Variants in FARP2 observed in about 807,000 individuals in gnomAD.
The protein encoded by FARP2 is FERM, ARH/RhoGEF and pleckstrin domain protein 2, also known as FERM, ARHGEF and pleckstrin domain-containing protein 2.
Under a neutral mutation model 130.5 loss-of-function variants are expected in FARP2, and 111 were observed. The ratio of observed to expected loss-of-function variants is 0.85; its 90% CI spans 0.73 to 1.00. The LOEUF is 1.00. Among genes scored for constraint, FARP2 ranks in the 50% least tolerant of loss-of-function variants. The probability of loss-of-function intolerance (pLI) is 0.00; values close to 1 mark genes in which losing one functional copy is unlikely to be tolerated. For missense variants in FARP2, 1,385 were observed against 1,346.3 expected, an observed-to-expected ratio of 1.03 and a Z score of -0.45; for synonymous variants, 504 against 516.9, an observed-to-expected ratio of 0.98 and a Z score of 0.34.
intron 19 of FARP2, among the ~76,000 whole-genome samples, chr2:241,476,801 T>C (rs1482282307): frequency 6.6e-6 from 1 of 152,234 alleles, no homozygotes; most frequent in Non-Finnish European, 1.5e-5. Context: ...CACAAGGTTA[T>C]GTAGCCATCA....
At chr2:241,467,907 G>A (rs550577205) in intron 17 of FARP2, among the ~76,000 whole-genome samples, 1 of 152,346 alleles carries the variant, frequency 6.6e-6, no homozygotes, top group Admixed American at 6.5e-5. Flanking sequence ...GGGCCGGTTA[G>A]TGGTGCATGT....
chr2:241,411,019 G>C lies in FARP2; in HGVS notation c.411-14G>C. 6.4e-7 allele frequency: 1 copy of C among 1,555,540 alleles called. No individual in the cohort carries two copies. The highest frequency in any genetic ancestry group is 8.8e-7 in the Non-Finnish European group (1 of 1,131,974). On this transcript the variant is annotated splice_polypyrimidine_tract_variant and intron_variant, in intron 5 of 26. Transcript: ENST00000264042. ...TTGGAATTGATCTCTGTCTTATTTT[G>C]AACTCTCTTCTAGATACTTGTTTGC...
chr2:241,423,466 A>G (rs2062859349), intron 8 of FARP2, among the ~76,000 whole-genome samples: 1 of 152,230 alleles, frequency 6.6e-6, no homozygotes, highest in Non-Finnish European at 1.5e-5. Flanking sequence ...AGGAAGCACT[A>G]AATACAGAAA....
intron 4 of FARP2, among the ~76,000 whole-genome samples, chr2:241,406,957 G>A (rs987237382): frequency 1.3e-5 from 2 of 151,938 alleles, no homozygotes; most frequent in African/African-American, 2.4e-5. Context: ...ACAGTCACCC[G>A]CCACCACGCC....
chr2:241,375,946 A>C (rs1324326433), intron 2 of FARP2, among the ~76,000 whole-genome samples: 2 of 152,140 alleles, frequency 1.3e-5, no homozygotes, highest in Non-Finnish European at 2.9e-5. Flanking sequence ...GGGAGAGCTA[A>C]AATTCAATAT....
intron 8 of FARP2, among the ~76,000 whole-genome samples, chr2:241,429,533 T>TTGG (rs1311021351): frequency 2.6e-5 from 4 of 152,196 alleles, no homozygotes; most frequent in African/African-American, 4.8e-5. Context: ...ATCTGTCCCA[T>TTGG]TGGTGGTGGT....
chr2:241,493,132 T>G, intron 25 of FARP2, 96 bp downstream of exon 25: 1 of 1,144,104 alleles, frequency 8.7e-7, no homozygotes, highest in South Asian at 1.3e-5. Flanking sequence ...GGTTCTGCCC[T>G]CCCATGCTTT....
chr2:241,492,377 G>A (rs937400132), intron 24 of FARP2, among the ~76,000 whole-genome samples: 5 of 152,124 alleles, frequency 3.3e-5, no homozygotes, highest in Non-Finnish European at 7.3e-5. Flanking sequence ...ATCTAAGCAG[G>A]GTCCTAGCTA....
chr2:241,417,081 A>C (rs1020519832), intron 7 of FARP2, among the ~76,000 whole-genome samples: 2 of 152,130 alleles, frequency 1.3e-5, no homozygotes, highest in African/African-American at 2.4e-5. Flanking sequence ...TGGGCGGATC[A>C]CCTGAGGTCA....
intron 19 of FARP2, among the ~76,000 whole-genome samples, chr2:241,481,014 A>T (rs1369799794): frequency 6.8e-6 from 1 of 147,216 alleles, no homozygotes; most frequent in African/African-American, 2.5e-5. Flanking sequence ...AGGCCAGGAG[A>T]TTGAGACTAG....
At position 241,468,129 on chromosome 2, in the gene FARP2, C is replaced by G. The variant is rs370822169; in HGVS notation, c.1894-11C>G. 6.4e-7 allele frequency: 1 copy of G among 1,567,838 alleles called. No individual in the cohort carries two copies. The highest frequency in any genetic ancestry group is 8.8e-7 in the Non-Finnish European group (1 of 1,137,800). On this transcript the variant is annotated splice_polypyrimidine_tract_variant and intron_variant, in intron 17 of 26. Transcript: ENST00000264042. ...TCCTCACCTAAAGGCCCCACTCTTG[C>G]GCCTCCACAGGAGTTTACCAGCTAC... is the stretch of plus-strand genomic sequence containing the variant.
At chr2:241,465,348 C>G in intron 17 of FARP2, 1 of 802,778 alleles carries the variant, frequency 1.2e-6, no homozygotes, top group African/African-American at 1.7e-5. Flanking sequence ...AGAGTCCCCC[C>G]TCCCCAGGGC....
At position 241,413,316 on chromosome 2, in the gene FARP2, G is replaced by C. The variant is rs745839138; in HGVS notation, c.518G>C (p.Gly173Ala). The change falls in exon 7 of 27, where the codon GGA (glycine) becomes GCA (alanine). Residue 173 changes from glycine to alanine, a missense_variant. Transcript: ENST00000264042. Reference sequence around the variant, plus strand: ...TTTTAACCTATCTCAGCGGAAATAGGAGATTACGATGAAACGCTGGACCGA... The same window carrying C: ...TTTTAACCTATCTCAGCGGAAATAGCAGATTACGATGAAACGCTGGACCGA... ...LTSHLLQSEI[G>A]DYDETLDREH... 11 of 1,604,946 alleles carry C rather than the reference G, an allele frequency of 6.9e-6. No homozygotes were observed. The highest frequency in any genetic ancestry group is 7.7e-6 in the Non-Finnish European group (9 of 1,175,180).
intron 16 of FARP2, 156 bp downstream of exon 16, chr2:241,463,624 T>G: frequency 2.5e-6 from 2 of 801,004 alleles, no homozygotes; most frequent in Non-Finnish European, 3.9e-6. Context: ...GATGTAATAA[T>G]ACCCTTTATT....
At chr2:241,452,403 TAAA>T (rs576522172) in intron 13 of FARP2, among the ~76,000 whole-genome samples, 9 of 144,890 alleles carry the variant, frequency 6.2e-5, no homozygotes, top group African/African-American at 2.3e-4. Context: ...GTTTTAAAAA[TAAA>T]AAAAAAAAGT....
intron 2 of FARP2, 113 bp downstream of exon 2, chr2:241,373,403 C>T (rs2061465678): frequency 1.6e-6 from 1 of 608,674 alleles, no homozygotes; most frequent in Admixed American, 4.3e-5. Context: ...TCAAGAGTAG[C>T]TTTGGTAACA....
intron 5 of FARP2, among the ~76,000 whole-genome samples, chr2:241,409,928 G>T (rs369271330): frequency 4.6e-5 from 7 of 152,144 alleles, no homozygotes; most frequent in African/African-American, 1.4e-4. Flanking sequence ...ATTAGTCTAG[G>T]AAAGTTTGTA....
At chr2:241,397,729 C>CAGAG (rs1451171667) in intron 2 of FARP2, among the ~76,000 whole-genome samples, 1 of 151,394 alleles carries the variant, frequency 6.6e-6, no homozygotes, top group Non-Finnish European at 1.5e-5. Context: ...GTGTATCAAG[C>CAGAG]AGAGGCGAAG....
chr2:241,462,835 G>A (rs1054914772), intron 15 of FARP2, among the ~76,000 whole-genome samples: 4 of 151,884 alleles, frequency 2.6e-5, no homozygotes, highest in East Asian at 3.9e-4. Context: ...GATTACAGGC[G>A]CCCACCACCA....
Sources: gnomAD v4.1 joint callset for allele counts (sites outside exome capture counted in the v4.1 genomes callset) on GRCh38, gnomAD v4.1.1 for gene constraint, MANE v1.5 for transcripts, NCBI Gene and HGNC (gene_info 2026-07-23, HGNC 2026-07-21) for gene names.